Variants in GASK1B observed in about 807,000 individuals in gnomAD.
The protein encoded by GASK1B is Golgi-associated kinase 1B.
Under a neutral mutation model 42.8 loss-of-function variants are expected in GASK1B, and 34 were observed. The observed-to-expected ratio is 0.79, with a 90% CI of 0.60 to 1.06. The LOEUF (loss-of-function observed/expected upper bound fraction) is 1.06. GASK1B is among the 50% of genes least tolerant of loss of function. The probability of loss-of-function intolerance (pLI) is 0.00; values close to 1 mark genes in which losing one functional copy is unlikely to be tolerated. For missense variants in GASK1B, 686 were observed against 661.0 expected, an observed-to-expected ratio of 1.04 and a Z score of -0.42; for synonymous variants, 262 against 259.1, an observed-to-expected ratio of 1.01 and a Z score of -0.11.
chr4:158,132,734 A>T (rs1454191567), intron 3 of GASK1B, among the ~76,000 whole-genome samples: 8 of 152,198 alleles, frequency 5.3e-5, no homozygotes, highest in Non-Finnish European at 1.2e-4. Flanking sequence ...CATTTGCACC[A>T]GTCAAAGGGT....
Position 158,141,597 on chromosome 4 carries a change from C to CAT in GASK1B, c.1126-10586_1126-10585insAT, listed in dbSNP as rs1553958620. Among the ~76,000 whole-genome samples the CAT allele has an allele frequency of 3.4e-4, 39 of 113,658 alleles. 16 individuals carry two copies. Among genetic ancestry groups the CAT allele is most frequent in the Non-Finnish European group, 4.2e-4 (24 of 57,132 alleles). 74.6% of individuals were successfully genotyped at this position (113,658 alleles called of 152,430 possible). On this transcript the variant is annotated intron_variant, in intron 3 of 4. Coordinates refer to ENST00000585682, the MANE Select transcript of GASK1B (RefSeq NM_001128424.2). ...CATAGGTCAGTGCCTTTGTATTTAC[C>CAT]TTTTTTTTTTTTTTTTTTTTTTTTT... is the stretch of plus-strand genomic sequence containing the variant.
At chr4:158,163,624 A>T (rs539434374) in intron 2 of GASK1B, among the ~76,000 whole-genome samples, 1 of 152,286 alleles carries the variant, frequency 6.6e-6, no homozygotes, top group South Asian at 2.1e-4. Context: ...TATTTTATAC[A>T]TATTAACTCA....
intron 3 of GASK1B, among the ~76,000 whole-genome samples, chr4:158,146,142 G>C (rs909812543): frequency 4.9e-5 from 3 of 60,872 alleles, no homozygotes; most frequent in Non-Finnish European, 1.4e-4. Flanking sequence ...AATATAACTA[G>C]TTGTTTTTTT....
intron 3 of GASK1B, among the ~76,000 whole-genome samples, chr4:158,135,437 T>G (rs1730851437): frequency 1.3e-5 from 2 of 151,730 alleles, no homozygotes; most frequent in Admixed American, 1.3e-4. Context: ...GTTTAGTATG[T>G]GCCAGGAACT....
At chr4:158,170,170 C>T in intron 2 of GASK1B, 1 of 1,529,022 alleles carries the variant, frequency 6.5e-7, no homozygotes, top group Non-Finnish European at 8.9e-7. Flanking sequence ...TTGCCGTTGG[C>T]TTTAATTAGA....
rs772179552 is a variant in GASK1B at position 158,171,012 on chromosome 4, G to T, written c.364C>A (p.Arg122Ser). The change falls in exon 2 of 5, where the codon CGT becomes AGT. Residue 122 changes from arginine to serine, a missense_variant. Physicochemically the swap from Arg to Ser is moderately radical, Grantham distance 110 (BLOSUM62 -1). Transcript: ENST00000585682. ...CTGCGCTTGGGCTTCACGGTGCCAC[G>T]GATATTGGCCGGCTTGCTGCGCTTG... ...RSKRSKPANI[R>S]GTVKPKRRKK... 3 of 1,614,082 alleles carry T rather than the reference G, an allele frequency of 1.9e-6. No homozygotes were observed. The Admixed American group carries it at 5.0e-5, about 27-fold the overall frequency.
At chr4:158,140,779 G>C (rs1156978182) in intron 3 of GASK1B, among the ~76,000 whole-genome samples, 1 of 152,156 alleles carries the variant, frequency 6.6e-6, no homozygotes. Context: ...GCTTCCTCAA[G>C]TCTCTCATCT....
intron 2 of GASK1B, among the ~76,000 whole-genome samples, chr4:158,167,616 T>C (rs756637133): frequency 8.5e-5 from 13 of 152,190 alleles, no homozygotes; most frequent in Non-Finnish European, 1.9e-4. Context: ...CCAGACTCTC[T>C]GCTAAGATCC....
chr4:158,170,323 A>G, intron 2 of GASK1B, 143 bp downstream of exon 2: 1 of 1,614,258 alleles, frequency 6.2e-7, no homozygotes, highest in Non-Finnish European at 8.5e-7. Context: ...TGCCAAGCGC[A>G]TGGAAAGACA....
At chr4:158,158,816 G>A (rs1385555465) in intron 2 of GASK1B, among the ~76,000 whole-genome samples, 1 of 151,974 alleles carries the variant, frequency 6.6e-6, no homozygotes, top group Admixed American at 6.6e-5. Context: ...TGAGTCTCAA[G>A]GGTTATAGCA....
chr4:158,155,565 T>C (rs766778755), intron 3 of GASK1B, 46 bp downstream of exon 3: 3 of 1,508,622 alleles, frequency 2.0e-6, no homozygotes, highest in Admixed American at 1.7e-5. Flanking sequence ...CTAATATAAC[T>C]CAGCGCCAGT....
intron 3 of GASK1B, 135 bp from the exon 4 acceptor site, chr4:158,131,147 A>C: frequency 1.4e-6 from 1 of 691,962 alleles, no homozygotes; most frequent in Non-Finnish European, 2.4e-6. Context: ...ATTTAATTAA[A>C]GGCAACTGTC....
Position 158,164,639 on chromosome 4 carries a change from C to A in GASK1B, c.910+5827G>T, listed in dbSNP as rs1050873512. ...AAAAAATAAAACATGATTACACACT[C>A]CTAAATAAATATTTTCAGAAAGTTT... On this transcript the variant is annotated intron_variant, in intron 2 of 4. Transcript: ENST00000585682. Among the ~76,000 whole-genome samples, 4 of 152,180 alleles carry A rather than the reference C, an allele frequency of 2.6e-5. No individual in the cohort carries two copies. In the South Asian group the frequency reaches 8.3e-4, roughly 32 times the overall value.
chr4:158,156,699 T>C (rs1731773570), intron 2 of GASK1B, among the ~76,000 whole-genome samples: 1 of 152,140 alleles, frequency 6.6e-6, no homozygotes. Context: ...CCCCCATTTC[T>C]GCCCAATAAA....
At chr4:158,170,147 C>A in intron 2 of GASK1B, 1 of 1,341,150 alleles carries the variant, frequency 7.5e-7, no homozygotes. Context: ...GCTTCCTCTC[C>A]TCATCATGCA....
chr4:158,130,284 C>T (rs4234917), intron 4 of GASK1B, among the ~76,000 whole-genome samples: 121,553 of 152,130 alleles, frequency 0.8, 49,228 homozygotes, highest in East Asian at 0.94. Context: ...CAGCTTTCCT[C>T]TGAGACTATG....
chr4:158,155,201 T>C (rs1160269883), intron 3 of GASK1B, among the ~76,000 whole-genome samples: 3 of 152,098 alleles, frequency 2.0e-5, no homozygotes, highest in Non-Finnish European at 4.4e-5. Flanking sequence ...GATACCAACA[T>C]GGCAGACAGT....
At chr4:158,132,084 G>C (rs972809186) in intron 3 of GASK1B, among the ~76,000 whole-genome samples, 1 of 152,192 alleles carries the variant, frequency 6.6e-6, no homozygotes, top group Non-Finnish European at 1.5e-5. Context: ...TTCAGCCTCA[G>C]AGACATTAAG....
At chr4:158,132,742 G>A (rs1397485282) in intron 3 of GASK1B, among the ~76,000 whole-genome samples, 2 of 152,098 alleles carry the variant, frequency 1.3e-5, no homozygotes, top group Non-Finnish European at 2.9e-5. Context: ...CCAGTCAAAG[G>A]GTACACTGCT....
Sources: gnomAD v4.1 joint callset for allele counts (sites outside exome capture counted in the v4.1 genomes callset) on GRCh38, gnomAD v4.1.1 for gene constraint, MANE v1.5 for transcripts, NCBI Gene and HGNC (gene_info 2026-07-23, HGNC 2026-07-21) for gene names.